The following GRIP1 variants were observed in gnomAD, a reference collection of about 807,000 sequenced individuals.
GRIP1 encodes the protein glutamate receptor-interacting protein 1.
Under a neutral mutation model 129.9 loss-of-function variants are expected in GRIP1, and 45 were observed. The ratio of observed to expected loss-of-function variants is 0.35; its 90% CI spans 0.27 to 0.44. The LOEUF (loss-of-function observed/expected upper bound fraction) is 0.44. Ranked by LOEUF, GRIP1 falls within the 20% of genes least tolerant of loss-of-function variation. The pLI is 1.00. For missense variants in GRIP1, 1,196 were observed against 1,396.8 expected (o/e 0.86, Z 2.29); for synonymous variants, 530 against 520.8 (o/e 1.02, Z -0.24).
chr12:66,540,441 G>A (rs777209871), intron 3 of GRIP1, among the ~76,000 whole-genome samples: 8 of 152,176 alleles, frequency 5.3e-5, no homozygotes, highest in South Asian at 2.1e-4. Context: ...AAGAAGCTCT[G>A]GAGACTTATG....
chr12:66,741,336 A>C (rs576978016), intron 1 of GRIP1, among the ~76,000 whole-genome samples: 2 of 152,282 alleles, frequency 1.3e-5, no homozygotes, highest in South Asian at 2.1e-4. Flanking sequence ...CTCTTTACTC[A>C]TCTCCACCTC....
At chr12:66,411,273 A>T (rs2057392246) in intron 15 of GRIP1, among the ~76,000 whole-genome samples, 1 of 152,146 alleles carries the variant, frequency 6.6e-6, no homozygotes, top group Non-Finnish European at 1.5e-5. Context: ...GAGCTCCCAG[A>T]GGAAGGAGAA....
chr12:66,418,125 A>G (rs1037853823), intron 15 of GRIP1, among the ~76,000 whole-genome samples: 13 of 152,216 alleles, frequency 8.5e-5, no homozygotes, highest in African/African-American at 3.1e-4. Flanking sequence ...GAACCCAGAA[A>G]CAAATCCACA....
At chr12:67,026,481 TAAGGA>T (rs1225337371) in intron 1 of GRIP1, among the ~76,000 whole-genome samples, 4 of 152,252 alleles carry the variant, frequency 2.6e-5, no homozygotes, top group Admixed American at 6.5e-5. Context: ...AAGGTTGTCC[TAAGGA>T]TTGAGTTAAA....
chr12:66,585,004 G>T (rs368892019), intron 2 of GRIP1, among the ~76,000 whole-genome samples: 296 of 151,670 alleles, frequency 2.0e-3, no homozygotes, highest in African/African-American at 6.9e-3. Flanking sequence ...CTGACCCGTT[G>T]GTGCACACTG....
rs1173712117 is a variant in GRIP1, at chr12:66,509,948, TA to T, written c.724+5670del. On this transcript the variant is annotated intron_variant, in intron 7 of 24. Coordinates refer to ENST00000359742, the MANE Select transcript of GRIP1 (RefSeq NM_001366722.1). ...CATCCTGCACATGTACCCCTGAACT[TA>T]AAAGTTGAAGAAGAAAAAAAAAAGA... Among the ~76,000 whole-genome samples the T allele has an allele frequency of 2.0e-5, 3 of 152,018 alleles. No individual in the cohort carries two copies. The East Asian group carries it at 5.8e-4, about 29-fold the overall frequency.
intron 2 of GRIP1, among the ~76,000 whole-genome samples, chr12:66,593,322 T>C (rs2063914461): frequency 6.6e-6 from 1 of 152,204 alleles, no homozygotes; most frequent in East Asian, 1.9e-4. Flanking sequence ...GAAAGACACA[T>C]ATTTGGCTTG....
At chr12:66,518,193 G>A (rs1422833783) in intron 5 of GRIP1, among the ~76,000 whole-genome samples, 3 of 152,046 alleles carry the variant, frequency 2.0e-5, no homozygotes, top group Admixed American at 2.0e-4. Flanking sequence ...TAAATATATG[G>A]CTGTAACCAG....
At chr12:66,979,529 T>C (rs1398117504) in intron 1 of GRIP1, among the ~76,000 whole-genome samples, 2 of 152,280 alleles carry the variant, frequency 1.3e-5, no homozygotes, top group East Asian at 3.9e-4. Context: ...TTTGTTGTTG[T>C]TGTTATTCAT....
intron 1 of GRIP1, among the ~76,000 whole-genome samples, chr12:66,727,278 G>A (rs140528947): frequency 6.1e-4 from 93 of 152,284 alleles, no homozygotes; most frequent in Admixed American, 5.2e-4. Flanking sequence ...ACAATGCCTC[G>A]CAGTGGAATA....
chr12:66,936,474 T>C (rs2041488038), intron 1 of GRIP1, among the ~76,000 whole-genome samples: 1 of 151,254 alleles, frequency 6.6e-6, no homozygotes, highest in East Asian at 1.9e-4. Context: ...GAAAGTTCTG[T>C]GTTCTAGACT....
chr12:66,416,260 G>A (rs2057599396), intron 15 of GRIP1, among the ~76,000 whole-genome samples: 1 of 152,086 alleles, frequency 6.6e-6, no homozygotes, highest in Admixed American at 6.6e-5. Flanking sequence ...AGCAAAAGCA[G>A]CACTAAGCAG....
chr12:66,523,484 G>C (rs990343611), intron 5 of GRIP1, among the ~76,000 whole-genome samples: 3 of 151,610 alleles, frequency 2.0e-5, no homozygotes, highest in African/African-American at 4.9e-5. Context: ...AATGCTGAGA[G>C]ATTTTGTCAC....
chr12:66,838,775 G>C (rs2039663066), intron 1 of GRIP1, among the ~76,000 whole-genome samples: 1 of 152,134 alleles, frequency 6.6e-6, no homozygotes, highest in African/African-American at 2.4e-5. Context: ...AAATGGAAGA[G>C]GTTAAAAACA....
chr12:66,722,812 G>A (rs2036099980), intron 1 of GRIP1, among the ~76,000 whole-genome samples: 1 of 151,990 alleles, frequency 6.6e-6, no homozygotes. Flanking sequence ...CAGATGAGAA[G>A]GTAAATGATA....
At chr12:66,402,295 G>A (rs2057030706) in intron 16 of GRIP1, among the ~76,000 whole-genome samples, 1 of 152,066 alleles carries the variant, frequency 6.6e-6, no homozygotes, top group Non-Finnish European at 1.5e-5. Flanking sequence ...CTCCTATTTG[G>A]TGGTAACTGA....
At chr12:66,671,261 A>G in intron 1 of GRIP1, among the ~76,000 whole-genome samples, 1 of 152,084 alleles carries the variant, frequency 6.6e-6, no homozygotes, top group East Asian at 1.9e-4. Context: ...GTCCACCTCA[A>G]AGTCTTTCTT....
At chr12:66,999,741 C>T (rs942008779) in intron 1 of GRIP1, among the ~76,000 whole-genome samples, 15 of 152,104 alleles carry the variant, frequency 9.9e-5, no homozygotes, top group Middle Eastern at 3.4e-3. Flanking sequence ...AGTAAAGACA[C>T]CAAAAAGAAA....
At chr12:66,725,592 G>A (rs958646278) in intron 1 of GRIP1, among the ~76,000 whole-genome samples, 3 of 152,026 alleles carry the variant, frequency 2.0e-5, no homozygotes, top group African/African-American at 7.3e-5. Flanking sequence ...GTGTGTGTAT[G>A]TACATGTGAA....
Sources: gnomAD v4.1 joint callset for allele counts (sites outside exome capture counted in the v4.1 genomes callset) on GRCh38, gnomAD v4.1.1 for gene constraint, MANE v1.5 for transcripts, NCBI Gene and HGNC (gene_info 2026-07-23, HGNC 2026-07-21) for gene names.